Variants in CNTN5 observed in about 807,000 individuals in gnomAD.
CNTN5 encodes the protein contactin 5, also known as contactin-5.
Under a neutral mutation model 129.1 loss-of-function variants are expected in CNTN5, and 77 were observed. The observed-to-expected ratio is 0.60, with a 90% confidence interval of 0.50 to 0.72. The LOEUF is 0.72. Ranked by LOEUF, CNTN5 falls within the 30% of genes least tolerant of loss-of-function variation. The probability of loss-of-function intolerance (pLI) is 0.00; values close to 1 mark genes in which losing one functional copy is unlikely to be tolerated. For missense variants in CNTN5, 1,478 were observed against 1,328.8 expected (o/e 1.11, Z -1.75); for synonymous variants, 509 against 465.6 (o/e 1.09, Z -1.20).
chr11:99,410,894 T>G (rs891493805), intron 2 of CNTN5, among the ~76,000 whole-genome samples: 1 of 152,232 alleles, frequency 6.6e-6, no homozygotes, highest in Non-Finnish European at 1.5e-5. Flanking sequence ...AGCAGTTTTG[T>G]GCACTCTCCT....
At chr11:99,258,152 T>C (rs2135814408) in intron 1 of CNTN5, among the ~76,000 whole-genome samples, 1 of 152,220 alleles carries the variant, frequency 6.6e-6, no homozygotes, top group South Asian at 2.1e-4. Context: ...TGTATTCTTT[T>C]TTTAACTCCT....
intron 13 of CNTN5, among the ~76,000 whole-genome samples, chr11:100,077,234 A>G (rs1393150393): frequency 6.6e-6 from 1 of 152,190 alleles, no homozygotes; most frequent in African/African-American, 2.4e-5. Flanking sequence ...AGTTTGTGTC[A>G]TTTTTTAATT....
At chr11:99,222,099 G>T (rs1318808425) in intron 1 of CNTN5, among the ~76,000 whole-genome samples, 1 of 151,732 alleles carries the variant, frequency 6.6e-6, no homozygotes, top group Admixed American at 6.6e-5. Context: ...CAAAAATTTA[G>T]ACTAAAGCAA....
At chr11:100,128,186 C>A (rs1347802471) in intron 13 of CNTN5, among the ~76,000 whole-genome samples, 1 of 152,038 alleles carries the variant, frequency 6.6e-6, no homozygotes, top group African/African-American at 2.4e-5. Context: ...CTTTTACGTA[C>A]CCAAACCTGA....
intron 8 of CNTN5, 74 bp from the exon 9 acceptor site, chr11:100,001,960 A>C (rs914857783): frequency 9.5e-7 from 1 of 1,050,712 alleles, no homozygotes; most frequent in Middle Eastern, 2.0e-4. Flanking sequence ...GTGATTTTCA[A>C]TGTAACATCT....
intron 3 of CNTN5, among the ~76,000 whole-genome samples, chr11:99,615,815 G>C (rs563504021): frequency 5.6e-4 from 85 of 151,648 alleles, no homozygotes; most frequent in African/African-American, 1.9e-3. Context: ...AGGCTGGAGA[G>C]TAGTGGCATG....
chr11:99,054,445 A>C (rs1040089142), intron 1 of CNTN5, among the ~76,000 whole-genome samples: 3 of 151,984 alleles, frequency 2.0e-5, no homozygotes. Flanking sequence ...ATAGGAACCT[A>C]TGTCTGCCCT....
intron 15 of CNTN5, among the ~76,000 whole-genome samples, chr11:100,215,931 A>G (rs1949130242): frequency 6.6e-6 from 1 of 152,180 alleles, no homozygotes; most frequent in Admixed American, 6.5e-5. Flanking sequence ...GGGACTTAGC[A>G]TCAGCCTCCC....
chr11:99,783,851 G>T (rs978739189), intron 3 of CNTN5, among the ~76,000 whole-genome samples: 3 of 151,692 alleles, frequency 2.0e-5, no homozygotes, highest in Non-Finnish European at 2.9e-5. Flanking sequence ...GGATTGCATT[G>T]GGAGATATAC....
chr11:99,578,087 T>A (rs1388822002), intron 3 of CNTN5, among the ~76,000 whole-genome samples: 1 of 151,542 alleles, frequency 6.6e-6, no homozygotes, highest in Non-Finnish European at 1.5e-5. Context: ...TGTTTGGTTT[T>A]TTCTCCGTGC....
chr11:99,552,376 C>T (rs1306468105), intron 2 of CNTN5, among the ~76,000 whole-genome samples: 1 of 151,928 alleles, frequency 6.6e-6, no homozygotes, highest in Non-Finnish European at 1.5e-5. Flanking sequence ...ATCCTTGCTT[C>T]CATGGATATG....
chr11:100,239,173 G>A (rs1228085559), intron 16 of CNTN5, among the ~76,000 whole-genome samples: 2 of 152,106 alleles, frequency 1.3e-5, no homozygotes, highest in Non-Finnish European at 2.9e-5. Context: ...ATCCATCCTT[G>A]AGCAAAATTG....
chr11:99,395,515 T>A (rs568484072), intron 2 of CNTN5, among the ~76,000 whole-genome samples: 200 of 152,168 alleles, frequency 1.3e-3, no homozygotes, highest in African/African-American at 4.6e-3. Context: ...GTTGATAGTT[T>A]CTTTTGCTGT....
intron 8 of CNTN5, among the ~76,000 whole-genome samples, chr11:99,962,689 G>T (rs1038849103): frequency 6.6e-6 from 1 of 150,662 alleles, no homozygotes; most frequent in African/African-American, 2.5e-5. Flanking sequence ...GGGATGGCTG[G>T]GTCAAATGGT....
At chr11:100,275,941 T>A (rs7103162) in intron 18 of CNTN5, among the ~76,000 whole-genome samples, 1,830 of 152,262 alleles carry the variant, frequency 0.012, 36 homozygotes, top group African/African-American at 0.041. Context: ...TCTGGAGACA[T>A]CCTCTCAAAT....
At chr11:99,736,227 C>G in intron 3 of CNTN5, among the ~76,000 whole-genome samples, 1 of 152,172 alleles carries the variant, frequency 6.6e-6, no homozygotes, top group Admixed American at 6.5e-5. Context: ...CACCTATGAA[C>G]AGTGTAACAG....
At chr11:99,391,730 A>C (rs149435587) in intron 2 of CNTN5, among the ~76,000 whole-genome samples, 1 of 152,068 alleles carries the variant, frequency 6.6e-6, no homozygotes, top group Non-Finnish European at 1.5e-5. Context: ...GGAGTCAGTA[A>C]GAATTTAGTA....
intron 13 of CNTN5, among the ~76,000 whole-genome samples, chr11:100,152,583 T>C (rs1460782542): frequency 6.6e-6 from 1 of 152,114 alleles, no homozygotes; most frequent in Non-Finnish European, 1.5e-5. Context: ...CATTGATTGA[T>C]TGAAAATAAT....
intron 1 of CNTN5, among the ~76,000 whole-genome samples, chr11:99,078,191 G>A (rs994163740): frequency 1.3e-5 from 2 of 152,002 alleles, no homozygotes; most frequent in Non-Finnish European, 2.9e-5. Context: ...GTGACTATTT[G>A]TATTCACGGA....
Sources: gnomAD v4.1 joint callset for allele counts (sites outside exome capture counted in the v4.1 genomes callset) on GRCh38, gnomAD v4.1.1 for gene constraint, MANE v1.5 for transcripts, NCBI Gene and HGNC (gene_info 2026-07-23, HGNC 2026-07-21) for gene names.